Variants in FAF1 observed in about 807,000 individuals in gnomAD.
FAF1 encodes the protein FAS-associated factor 1.
Under a neutral mutation model 92.5 loss-of-function variants are expected in FAF1, and 25 were observed. The observed-to-expected ratio is 0.27, with a 90% CI of 0.20 to 0.38. The LOEUF (loss-of-function observed/expected upper bound fraction) is 0.38, where lower values mean the gene tolerates loss of function less well. FAF1 is among the 10% of genes least tolerant of loss of function. The pLI is 1.00. For missense variants in FAF1, 636 were observed against 793.3 expected (o/e 0.80, Z 2.38); for synonymous variants, 234 against 273.2 (o/e 0.86, Z 1.42).
At chr1:50,828,768 C>T (rs962106902) in intron 2 of FAF1, among the ~76,000 whole-genome samples, 7 of 152,076 alleles carry the variant, frequency 4.6e-5, no homozygotes, top group African/African-American at 1.7e-4. Flanking sequence ...TCTTTGAAAA[C>T]AGGATCCAAA....
chr1:50,803,813 G>A (rs1662089914), intron 2 of FAF1, among the ~76,000 whole-genome samples: 1 of 152,062 alleles, frequency 6.6e-6, no homozygotes, highest in Admixed American at 6.5e-5. Context: ...GGAGAAGTTA[G>A]CAAGTGACCT....
chr1:50,875,007 C>A (rs1644558881), intron 1 of FAF1, among the ~76,000 whole-genome samples: 2 of 151,770 alleles, frequency 1.3e-5, no homozygotes, highest in East Asian at 1.9e-4. Flanking sequence ...TATCTCATTT[C>A]TTTTCCTTCT....
intron 9 of FAF1, among the ~76,000 whole-genome samples, chr1:50,588,232 C>A (rs527284954): frequency 2.0e-5 from 3 of 152,252 alleles, no homozygotes; most frequent in African/African-American, 7.2e-5. Context: ...AGTTGCAGTA[C>A]GTGCCACTAC....
intron 1 of FAF1, among the ~76,000 whole-genome samples, chr1:50,903,967 T>TA (rs1644816009): frequency 6.6e-6 from 1 of 152,156 alleles, no homozygotes; most frequent in Admixed American, 6.6e-5. Context: ...ATGGCAGCCC[T>TA]CAAAAAATTA....
At chr1:50,456,320 C>T (rs982247083) in intron 18 of FAF1, among the ~76,000 whole-genome samples, 1 of 152,118 alleles carries the variant, frequency 6.6e-6, no homozygotes, top group Admixed American at 6.5e-5. Context: ...TATAAAAACA[C>T]ATCTGAAAAT....
At chr1:50,807,886 C>T (rs527518131) in intron 2 of FAF1, among the ~76,000 whole-genome samples, 1 of 152,114 alleles carries the variant, frequency 6.6e-6, no homozygotes, top group Non-Finnish European at 1.5e-5. Flanking sequence ...AACATGCCAA[C>T]ATTCAAATTC....
intron 1 of FAF1, among the ~76,000 whole-genome samples, chr1:50,941,980 T>C (rs1645137201): frequency 6.6e-6 from 1 of 152,268 alleles, no homozygotes; most frequent in South Asian, 2.1e-4. Context: ...TTTGAGAAAA[T>C]GTGGATATAT....
chr1:50,466,931 C>A lies in FAF1; in HGVS notation c.1869+8533G>T, dbSNP rs148222799. ...TGGAGAATGTTCTCCTCATAACAAT[C>A]TACCAAAAAATCCTATCTATCTCAG... On this transcript the variant is annotated intron_variant, in intron 18 of 18. Coordinates refer to ENST00000396153, the MANE Select transcript of FAF1 (RefSeq NM_007051.3). Among the ~76,000 whole-genome samples the A allele has an allele frequency of 2.1e-4, 32 of 152,336 alleles. No individual in the cohort carries two copies. In the East Asian group the frequency reaches 6.0e-3, roughly 28 times the overall value.
intron 15 of FAF1, among the ~76,000 whole-genome samples, chr1:50,492,715 A>G (rs1646853873): frequency 6.6e-6 from 1 of 152,168 alleles, no homozygotes; most frequent in South Asian, 2.1e-4. Context: ...TCATATAGTT[A>G]ATTTCTCACT....
intron 1 of FAF1, among the ~76,000 whole-genome samples, chr1:50,944,690 A>G (rs1363934283): frequency 6.6e-6 from 1 of 152,220 alleles, no homozygotes; most frequent in South Asian, 2.1e-4. Flanking sequence ...ACCTAGAATA[A>G]TATCAATTCA....
chr1:50,897,318 G>A (rs1644765551), intron 1 of FAF1, among the ~76,000 whole-genome samples: 1 of 152,206 alleles, frequency 6.6e-6, no homozygotes, highest in Non-Finnish European at 1.5e-5. Flanking sequence ...AATATGCACT[G>A]ATGTGCATGG....
Position 50,713,773 on chromosome 1 carries a change from CTT to C in FAF1, c.552-7884_552-7883del, listed in dbSNP as rs58832551. Among the ~76,000 whole-genome samples the C allele has an allele frequency of 4.6e-4, 55 of 119,502 alleles. 1 individual carries two copies. The South Asian group carries it at 6.1e-3, about 13-fold the overall frequency. 78.4% of individuals were successfully genotyped at this position (119,502 alleles called of 152,430 possible). On this transcript the variant is annotated intron_variant, in intron 6 of 18. Transcript: ENST00000396153. ...TCACTGCGCCTGGCAAATGTAAAAG[CTT>C]TTTTTTTTTTTTTTTTGAGATGGAG...
intron 6 of FAF1, among the ~76,000 whole-genome samples, chr1:50,738,605 G>A (rs988495782): frequency 6.6e-6 from 1 of 152,050 alleles, no homozygotes; most frequent in Non-Finnish European, 1.5e-5. Context: ...CCTTCAGTCA[G>A]AGAAGTACCA....
At chr1:50,848,589 C>T (rs958372693) in intron 2 of FAF1, among the ~76,000 whole-genome samples, 2 of 152,174 alleles carry the variant, frequency 1.3e-5, no homozygotes, top group South Asian at 2.1e-4. Flanking sequence ...AACTGGGAGA[C>T]GCTATCTTAA....
chr1:50,780,003 C>A (rs1412563645), intron 4 of FAF1, among the ~76,000 whole-genome samples: 2 of 151,814 alleles, frequency 1.3e-5, no homozygotes, highest in East Asian at 1.9e-4. Flanking sequence ...CACACACACA[C>A]ACACACACAC....
At chr1:50,546,596 C>A (rs552417228) in intron 13 of FAF1, among the ~76,000 whole-genome samples, 1 of 152,174 alleles carries the variant, frequency 6.6e-6, no homozygotes, top group East Asian at 1.9e-4. Context: ...GAACTCCTGG[C>A]CTTGTGATCC....
At chr1:50,680,683 C>CA (rs578164784) in intron 7 of FAF1, among the ~76,000 whole-genome samples, 182 of 134,884 alleles carry the variant, frequency 1.3e-3, no homozygotes, top group Non-Finnish European at 2.0e-3. Flanking sequence ...ACTCTGTCTC[C>CA]AAAAAAAAAA....
At chr1:50,596,647 A>G (rs1651828975) in intron 8 of FAF1, among the ~76,000 whole-genome samples, 1 of 152,246 alleles carries the variant, frequency 6.6e-6, no homozygotes, top group African/African-American at 2.4e-5. Context: ...TCAGAAATAT[A>G]CAAAAATCTA....
At chr1:50,602,243 CA>C (rs1553119926) in intron 8 of FAF1, among the ~76,000 whole-genome samples, 1 of 152,170 alleles carries the variant, frequency 6.6e-6, no homozygotes, top group Non-Finnish European at 1.5e-5. Context: ...TAATATGAGA[CA>C]TTTTTTAAAA....
Sources: allele counts gnomAD v4.1 joint callset (sites outside exome capture counted in the v4.1 genomes callset), GRCh38; gene constraint gnomAD v4.1.1; transcripts MANE v1.5; gene names NCBI Gene and HGNC (gene_info 2026-07-23, HGNC 2026-07-21).